PABIR2: variants seen among roughly 807,000 people sequenced by gnomAD.
PABIR2 encodes the protein PABIR family member 2.
A neutral mutation model predicts 22.8 loss-of-function variants in PABIR2; 7 were observed. The ratio of observed to expected loss-of-function variants is 0.31; its 90% CI spans 0.17 to 0.58. The LOEUF is 0.58. PABIR2 is among the 20% of genes least tolerant of loss of function. The probability of loss-of-function intolerance (pLI) is 0.89; values close to 1 mark genes in which losing one functional copy is unlikely to be tolerated. For missense variants in PABIR2, 155 were observed against 205.1 expected, an observed-to-expected ratio of 0.76 and a Z score of 1.49; for synonymous variants, 67 against 73.8, an observed-to-expected ratio of 0.91 and a Z score of 0.47.
In PABIR2 at chrX:134,796,274, T is replaced by C. The variant is rs748747555; in HGVS notation, c.-69A>G. 1 of 807,212 alleles carries C rather than the reference T, an allele frequency of 1.2e-6. No homozygotes were observed. Among genetic ancestry groups the C allele is most frequent in the South Asian group, 2.2e-5 (1 of 46,150 alleles). The allele number at this position is 807,212 out of a possible 1,213,427, so 66.5% of individuals were successfully genotyped here. A position where few individuals can be genotyped will look rare whatever the true frequency, so the allele number is the denominator to read the frequency against. On this transcript the variant is annotated 5_prime_UTR_variant, in exon 1 of 10. Transcript: ENST00000343004. ...GTGCTTAGCTATGGACTCCCAAGAC[T>C]CTCACTGCAGGACTGAGCTGCTGGG...
intron 3 of PABIR2, 85 bp from the exon 4 acceptor site, chrX:134,789,351 A>G (rs1569431871): frequency 1.8e-6 from 2 of 1,107,950 alleles, no homozygotes; most frequent in East Asian, 6.0e-5. Context: ...TTATCCACAT[A>G]GTTCTCTGCT....
intron 9 of PABIR2, among the ~76,000 whole-genome samples, chrX:134,776,134 C>T (rs1027190605): frequency 3.6e-5 from 4 of 111,002 alleles, no homozygotes; most frequent in Admixed American, 2.9e-4. Flanking sequence ...GAGATGTGTA[C>T]AGACATACAC....
chrX:134,776,434 C>G (rs1475324739), intron 9 of PABIR2, among the ~76,000 whole-genome samples: 2 of 110,420 alleles, frequency 1.8e-5, no homozygotes, highest in East Asian at 2.8e-4. Context: ...AGTCTCACCC[C>G]CAAAAGAATG....
intron 9 of PABIR2, among the ~76,000 whole-genome samples, chrX:134,778,863 A>C (rs1021620828): frequency 9.1e-6 from 1 of 109,670 alleles, no homozygotes; most frequent in African/African-American, 3.3e-5. Flanking sequence ...CCCAGGCTGG[A>C]GTGCAGTGGT....
intron 6 of PABIR2, 77 bp from the exon 7 acceptor site, chrX:134,787,610 C>CTTTTT (rs1179720154): frequency 8.6e-4 from 251 of 292,084 alleles, no homozygotes; most frequent in African/African-American, 1.7e-3. Context: ...AGTTTTCTTT[C>CTTTTT]TTTTTTTTTT....
intron 2 of PABIR2, among the ~76,000 whole-genome samples, chrX:134,792,699 C>T (rs1477169836): frequency 1.8e-5 from 2 of 112,380 alleles, no homozygotes; most frequent in Non-Finnish European, 3.8e-5. Flanking sequence ...TGACTTCTAA[C>T]GTCTTGAGTT....
intron 9 of PABIR2, among the ~76,000 whole-genome samples, chrX:134,772,595 A>G (rs2078864154): frequency 9.0e-6 from 1 of 110,814 alleles, no homozygotes; most frequent in Admixed American, 9.6e-5. Context: ...TCAGCTCAAG[A>G]AATTTCTATT....
chrX:134,781,284 A>G (rs772588473), intron 9 of PABIR2, among the ~76,000 whole-genome samples: 1 of 112,936 alleles, frequency 8.9e-6, no homozygotes, highest in East Asian at 2.8e-4. Context: ...TCATGGGGGC[A>G]TGGATAAGAA....
chrX:134,793,651 G>A, intron 2 of PABIR2, 164 bp downstream of exon 2: 1 of 641,832 alleles, frequency 1.6e-6, no homozygotes, highest in South Asian at 2.4e-5. Context: ...TATCCTTTTG[G>A]TACCAAAAGC....
intron 2 of PABIR2, 168 bp downstream of exon 2, chrX:134,793,647 T>C (rs929126921): frequency 4.8e-6 from 3 of 626,615 alleles, no homozygotes; most frequent in Non-Finnish European, 7.7e-6. Context: ...CATGTATCCT[T>C]TTGGTACCAA....
At chrX:134,777,885 GTT>G (rs1246080322) in intron 9 of PABIR2, among the ~76,000 whole-genome samples, 61 of 80,166 alleles carry the variant, frequency 7.6e-4, no homozygotes, top group African/African-American at 2.5e-3. Flanking sequence ...TGTTTGGTTG[GTT>G]TTTTTTTTTT....
chrX:134,774,262 C>T (rs1205710029), intron 9 of PABIR2, among the ~76,000 whole-genome samples: 1 of 111,935 alleles, frequency 8.9e-6, no homozygotes, highest in East Asian at 2.8e-4. Flanking sequence ...AATCAAAAGA[C>T]CTTTCTATTT....
chrX:134,791,276 AG>A (rs2079541329), intron 2 of PABIR2, among the ~76,000 whole-genome samples: 1 of 111,043 alleles, frequency 9.0e-6, no homozygotes, highest in Non-Finnish European at 1.9e-5. Context: ...AAAGAGGTCA[AG>A]GGGGATAAGC....
chrX:134,789,187 T>A, intron 4 of PABIR2, 36 bp downstream of exon 4: 1 of 1,212,016 alleles, frequency 8.3e-7, no homozygotes, highest in Non-Finnish European at 1.1e-6. Flanking sequence ...AACAAGACAC[T>A]TATTAGGCTA....
chrX:134,773,783 T>C (rs1314199254), intron 9 of PABIR2, among the ~76,000 whole-genome samples: 1 of 112,114 alleles, frequency 8.9e-6, no homozygotes, highest in Non-Finnish European at 1.9e-5. Flanking sequence ...CCCATTCCAG[T>C]CTAACATGCT....
chrX:134,781,894 G>T lies in PABIR2; in HGVS notation c.586C>A (p.Pro196Thr). The change falls in exon 9 of 10, where the codon CCC (proline) becomes ACC (threonine). Residue 196 changes from proline to threonine, a missense_variant. Transcript: ENST00000343004. ...RKGEMETESQ[P>T]KRLFQGTTNM... The stretch of plus-strand genomic sequence containing the variant: ...GTAGTGCCTTGGAAGAGTCTCTTGG[G>T]CTGACTTTCTGTCTCCATTTCACCT... 8.3e-7 allele frequency: 1 copy of T among 1,201,158 alleles called. No homozygotes were observed. The highest frequency in any genetic ancestry group is 1.1e-6 in the Non-Finnish European group (1 of 889,086).
At position 134,796,127 on chromosome X, in the gene PABIR2, G is replaced by A; in HGVS notation, c.79C>T (p.Pro27Ser). ...GGTLRRSSSAPLIHGLSDLSQ... is the reference protein window; with the variant it reads ...GGTLRRSSSASLIHGLSDLSQ... Reference sequence around the variant, plus strand: ...GCTCACCTGAGCCCATGGATTAGGGGAGCGCTGCTGGATCTCCTCAGGGTT... The same window carrying A: ...GCTCACCTGAGCCCATGGATTAGGGAAGCGCTGCTGGATCTCCTCAGGGTT... Residue 27 changes from proline to serine, a missense_variant, in exon 1 of 10, where the codon CCC becomes TCC. By Grantham distance (74) the Pro-to-Ser change is moderately conservative (BLOSUM62 -1). Coordinates refer to ENST00000343004, the MANE Select transcript of PABIR2 (RefSeq NM_001387468.1). The A allele has an allele frequency of 8.3e-7, 1 of 1,210,843 alleles. No individual in the cohort carries two copies. Among genetic ancestry groups the A allele is most frequent in the Non-Finnish European group, 1.1e-6 (1 of 895,173 alleles).
At chrX:134,780,263 T>A (rs5978041) in intron 9 of PABIR2, among the ~76,000 whole-genome samples, 3,452 of 112,497 alleles carry the variant, frequency 0.031, 32 homozygotes, top group Middle Eastern at 0.046. Context: ...TTAAAGTGAG[T>A]GCCCTCATGG....
intron 9 of PABIR2, among the ~76,000 whole-genome samples, chrX:134,775,376 G>T: frequency 9.2e-6 from 1 of 109,137 alleles, no homozygotes; most frequent in Middle Eastern, 4.7e-3. Context: ...AAATTAGCCA[G>T]GCGTGGTGGC....
Sources: gnomAD v4.1 joint callset for allele counts (sites outside exome capture counted in the v4.1 genomes callset) on GRCh38, gnomAD v4.1.1 for gene constraint, MANE v1.5 for transcripts, NCBI Gene and HGNC (gene_info 2026-07-23, HGNC 2026-07-21) for gene names.